The following CCDC82 variants were observed in gnomAD, a reference collection of about 807,000 sequenced individuals.
The protein encoded by CCDC82 is coiled-coil domain-containing protein 82.
In CCDC82, 47 loss-of-function variants were observed where a neutral mutation model predicts 60.6. The observed-to-expected ratio is 0.77, with a 90% CI of 0.61 to 0.99. The LOEUF (loss-of-function observed/expected upper bound fraction) is 0.99, where lower values mean the gene tolerates loss of function less well. Among genes scored for constraint, CCDC82 ranks in the 50% least tolerant of loss-of-function variants. The probability of loss-of-function intolerance (pLI) is 0.00; values close to 1 mark genes in which losing one functional copy is unlikely to be tolerated. For synonymous variants in CCDC82, 212 were observed against 207.4 expected (o/e 1.02, Z -0.19); for missense variants, 588 against 633.0 (o/e 0.93, Z 0.76).
Position 96,387,593 on chromosome 11 carries a change from T to C in CCDC82, c.-118A>G, listed in dbSNP as rs1387900778. 1 of 152,200 alleles carries C rather than the reference T, an allele frequency of 6.6e-6. No individual in the cohort carries two copies. Among genetic ancestry groups the C allele is most frequent in the Non-Finnish European group, 1.5e-5 (1 of 68,036 alleles). 9.4% of individuals were successfully genotyped at this position (152,200 alleles called of 1,614,324 possible). ...AGAAACCGGGTCTCTTGATTCCCCG[T>C]CCAGTGCCACACAATGACGGCTGCC... is the stretch of plus-strand genomic sequence containing the variant. On this transcript the variant is annotated 5_prime_UTR_variant, in exon 2 of 10. Transcript: ENST00000646818.
intron 9 of CCDC82, chr11:96,357,706 A>C (rs1864418232): frequency 1.0e-6 from 1 of 985,240 alleles, no homozygotes; most frequent in Non-Finnish European, 1.2e-6. Flanking sequence ...TAGGTTTTGC[A>C]GTTCCACTAG....
intron 8 of CCDC82, chr11:96,363,700 C>A (rs1048619601): frequency 1.3e-5 from 2 of 152,050 alleles, no homozygotes; most frequent in African/African-American, 4.8e-5. Context: ...TACGTATCAC[C>A]CCTTTTTTCC....
At chr11:96,357,002 T>C in intron 9 of CCDC82, 1 of 985,442 alleles carries the variant, frequency 1.0e-6, no homozygotes, top group Non-Finnish European at 1.2e-6. Flanking sequence ...GGAGACGGCA[T>C]TCAAGTAACA....
intron 5 of CCDC82, among the ~76,000 whole-genome samples, chr11:96,379,470 ATG>A (rs1293066495): frequency 1.3e-5 from 2 of 151,832 alleles, no homozygotes; most frequent in Non-Finnish European, 3.0e-5. Flanking sequence ...GAACTTAACA[ATG>A]AGTTCCTATA....
chr11:96,376,605 T>TTA (rs1205200455), intron 5 of CCDC82, among the ~76,000 whole-genome samples: 1 of 151,956 alleles, frequency 6.6e-6, no homozygotes, highest in African/African-American at 2.4e-5. Flanking sequence ...TTTTTGTACT[T>TTA]TTAGTAGAGA....
intron 6 of CCDC82, 150 bp from the exon 7 acceptor site, chr11:96,371,287 G>A (rs955944600): frequency 3.8e-6 from 2 of 531,014 alleles, no homozygotes; most frequent in East Asian, 4.0e-5. Flanking sequence ...AGAACATTAA[G>A]GAAAAACAGG....
In CCDC82 at chr11:96,365,019, C is replaced by T. The variant is rs139262571; in HGVS notation, c.1341G>A (p.Arg447=). ...VHLSGELYNT[R]TMQIDNFMSH... is the part of the protein sequence containing the mutation. ...ACATGAAATTATCTATTTGCATGGT[C>T]CTGGTGTTATACAACTCTCCTGATA... Residue 447 remains arginine, a synonymous_variant, in exon 8 of 10, where the codon AGG becomes AGA. Coordinates refer to ENST00000646818, the MANE Select transcript of CCDC82 (RefSeq NM_024725.4). The T allele has an allele frequency of 1.5e-4, 244 of 1,610,154 alleles. No individual in the cohort carries two copies. Among genetic ancestry groups the T allele is most frequent in the Non-Finnish European group, 2.0e-4 (236 of 1,178,466 alleles).
At chr11:96,365,663 A>G (rs1253055614) in intron 7 of CCDC82, among the ~76,000 whole-genome samples, 1 of 152,230 alleles carries the variant, frequency 6.6e-6, no homozygotes, top group South Asian at 2.1e-4. Context: ...TGGCACTAGG[A>G]CTGCCACGTG....
At chr11:96,358,870 A>C in intron 9 of CCDC82, 123 bp downstream of exon 9, 1 of 994,890 alleles carries the variant, frequency 1.0e-6, no homozygotes, top group Non-Finnish European at 1.5e-6. Flanking sequence ...AGAAGAGAAA[A>C]TACAAACGAC....
At chr11:96,359,399 A>C (rs1006662427) in intron 8 of CCDC82, 4 of 418,936 alleles carry the variant, frequency 9.5e-6, no homozygotes, top group Non-Finnish European at 1.7e-5. Context: ...AATACCTATT[A>C]CCGGTATTAG....
chr11:96,358,247 T>C (rs1415780663), intron 9 of CCDC82: 1 of 1,059,790 alleles, frequency 9.4e-7, no homozygotes, highest in Non-Finnish European at 1.1e-6. Flanking sequence ...CTCTTATACA[T>C]TCATGTAACT....
At chr11:96,360,508 C>T (rs1864602652) in intron 8 of CCDC82, among the ~76,000 whole-genome samples, 1 of 151,846 alleles carries the variant, frequency 6.6e-6, no homozygotes, top group African/African-American at 2.4e-5. Flanking sequence ...ATATTTTTAC[C>T]TACATCATTT....
chr11:96,378,592 A>G (rs1473128671), intron 5 of CCDC82, among the ~76,000 whole-genome samples: 1 of 151,960 alleles, frequency 6.6e-6, no homozygotes, highest in Non-Finnish European at 1.5e-5. Flanking sequence ...GTGTTCTAGC[A>G]AGGCACTAGT....
chr11:96,378,182 T>C (rs1471062249), intron 5 of CCDC82, among the ~76,000 whole-genome samples: 1 of 152,064 alleles, frequency 6.6e-6, no homozygotes, highest in Admixed American at 6.5e-5. Flanking sequence ...CTGTTAATTC[T>C]GCTATCTACT....
Position 96,370,776 on chromosome 11 carries a change from A to G in CCDC82, c.1209+237T>C, listed in dbSNP as rs572534787. On this transcript the variant is annotated intron_variant, in intron 7 of 9. Coordinates refer to ENST00000646818, the MANE Select transcript of CCDC82 (RefSeq NM_024725.4). ...ATCTTCTCATTTTAAAAGATGGGCTAAGCCCTGGAGATGTTCTGAAGTTAT... is the reference window on the plus strand; with the variant it reads ...ATCTTCTCATTTTAAAAGATGGGCTGAGCCCTGGAGATGTTCTGAAGTTAT... Among the ~76,000 whole-genome samples the G allele has an allele frequency of 3.9e-5, 6 of 152,348 alleles. No homozygotes were observed. The South Asian group carries it at 6.2e-4, about 16-fold the overall frequency.
intron 5 of CCDC82, among the ~76,000 whole-genome samples, chr11:96,378,627 T>C (rs1453010096): frequency 6.6e-6 from 1 of 151,978 alleles, no homozygotes; most frequent in African/African-American, 2.4e-5. Flanking sequence ...TCTACTCTTA[T>C]CTCTACTCCT....
At chr11:96,367,358 A>T (rs192372922) in intron 7 of CCDC82, among the ~76,000 whole-genome samples, 1 of 152,346 alleles carries the variant, frequency 6.6e-6, no homozygotes, top group East Asian at 1.9e-4. Flanking sequence ...TCAAACCCTG[A>T]CACTGCTTTA....
chr11:96,371,119 G>T lies in CCDC82; in HGVS notation c.1103C>A (p.Ser368Ter). The change falls in exon 7 of 10, where the codon TCA becomes TAA. Residue 368 changes from serine (S) to a stop codon, truncating the protein, a stop_gained. Coordinates refer to ENST00000646818, the MANE Select transcript of CCDC82 (RefSeq NM_024725.4). LOFTEE classifies it high-confidence loss of function. ...GTLYDGTRQKSYAKDMLTSLH... is the reference protein window; with the variant it reads ...GTLYDGTRQK ...AGATGTTAGCATATCTTTTGCATAT[G>T]ATTTTTGCCTTGTGCCATCTGTTCA... 1 of 1,593,724 alleles carries T rather than the reference G, an allele frequency of 6.3e-7. No individual in the cohort carries two copies. The highest frequency in any genetic ancestry group is 1.2e-5 in the South Asian group (1 of 85,860).
At chr11:96,383,916 G>GA (rs781586579) in intron 4 of CCDC82, 46 bp downstream of exon 4, 6 of 1,519,894 alleles carry the variant, frequency 3.9e-6, no homozygotes, top group African/African-American at 2.8e-5. Flanking sequence ...AATACTTTAA[G>GA]AAAAAAACTG....
Sources: gnomAD v4.1 joint callset for allele counts (sites outside exome capture counted in the v4.1 genomes callset) on GRCh38, gnomAD v4.1.1 for gene constraint, MANE v1.5 for transcripts, NCBI Gene and HGNC (gene_info 2026-07-23, HGNC 2026-07-21) for gene names.